The following AP3B1 variants were observed in gnomAD, a reference collection of about 807,000 sequenced individuals.
The protein encoded by AP3B1 is adaptor related protein complex 3 subunit beta 1, also known as AP-3 complex subunit beta-1.
In AP3B1, 61 loss-of-function variants were observed where a neutral mutation model predicts 132.5. The ratio of observed to expected loss-of-function variants is 0.46; its 90% confidence interval spans 0.37 to 0.57. The LOEUF is 0.57. AP3B1 is among the 20% of genes least tolerant of loss of function. The pLI is 0.00. For synonymous variants in AP3B1, 388 were observed against 438.3 expected (o/e 0.89, Z 1.43); for missense variants, 1,120 against 1,289.4 (o/e 0.87, Z 2.01).
At chr5:78,157,701 C>T (rs1743207362) in intron 13 of AP3B1, among the ~76,000 whole-genome samples, 2 of 152,134 alleles carry the variant, frequency 1.3e-5, no homozygotes, top group Admixed American at 1.3e-4. Context: ...CTGGCATACA[C>T]TACAAAGGTT....
chr5:78,285,385 C>A (rs890830450), intron 1 of AP3B1, among the ~76,000 whole-genome samples: 2 of 152,154 alleles, frequency 1.3e-5, no homozygotes, highest in African/African-American at 4.8e-5. Context: ...AAATCCAAAA[C>A]TCCCTTCTCA....
chr5:78,126,504 C>CAAAAAAAAAAAAAAAAAAAAA (rs70997969), intron 17 of AP3B1, among the ~76,000 whole-genome samples: 1 of 62,398 alleles, frequency 1.6e-5, no homozygotes, highest in African/African-American at 7.8e-5. Flanking sequence ...GACTCTGTCT[C>CAAAAAAAAAAAAAAAAAAAAA]AAAAAAAAAA....
chr5:78,138,789 C>G (rs1158136235), intron 15 of AP3B1, among the ~76,000 whole-genome samples: 3 of 151,626 alleles, frequency 2.0e-5, no homozygotes, highest in East Asian at 1.9e-4. Context: ...CTGGCCAACA[C>G]GGTGAAACCT....
chr5:78,007,854 C>A (rs183899495), intron 26 of AP3B1, among the ~76,000 whole-genome samples: 3 of 152,088 alleles, frequency 2.0e-5, no homozygotes, highest in Non-Finnish European at 2.9e-5. Context: ...AGCATTTACA[C>A]GTGATTTAGT....
At chr5:78,275,362 A>G (rs1434877858) in intron 1 of AP3B1, among the ~76,000 whole-genome samples, 1 of 152,254 alleles carries the variant, frequency 6.6e-6, no homozygotes, top group East Asian at 1.9e-4. Flanking sequence ...TCATTTCAAA[A>G]GGAAAATAAT....
rs138775812 is a variant in AP3B1 at position 78,274,971 on chromosome 5, G to A, written c.129-7376C>T. 2.1e-3 allele frequency among the ~76,000 whole-genome samples: 317 copies of A among 152,010 alleles called. 7 individuals carry two copies. Among genetic ancestry groups the A allele is most frequent in the Admixed American group, 0.016 (251 of 15,272 alleles). Reference sequence around the variant, plus strand: ...TACCTTGAGACAGGAGTCAACAAACGTAAAGGGCCAGAAAGTAAATATTTT... The same window carrying A: ...TACCTTGAGACAGGAGTCAACAAACATAAAGGGCCAGAAAGTAAATATTTT... On this transcript the variant is annotated intron_variant, in intron 1 of 26. Transcript: ENST00000255194.
chr5:78,154,271 T>C (rs185824016), intron 14 of AP3B1, among the ~76,000 whole-genome samples: 2 of 152,328 alleles, frequency 1.3e-5, no homozygotes, highest in African/African-American at 2.4e-5. Flanking sequence ...CTTTATGTCA[T>C]GCCACTCTCC....
intron 2 of AP3B1, among the ~76,000 whole-genome samples, chr5:78,263,201 T>G (rs1748170208): frequency 6.6e-6 from 1 of 152,224 alleles, no homozygotes; most frequent in Non-Finnish European, 1.5e-5. Context: ...CAGTAATGTT[T>G]CAGTGTACAA....
chr5:78,240,503 C>T (rs1747080058), intron 3 of AP3B1, among the ~76,000 whole-genome samples: 1 of 152,130 alleles, frequency 6.6e-6, no homozygotes, highest in African/African-American at 2.4e-5. Context: ...CCCAAATCAT[C>T]AAGGTCTGGA....
At chr5:78,142,123 AG>A (rs1379080864) in intron 14 of AP3B1, among the ~76,000 whole-genome samples, 1 of 152,220 alleles carries the variant, frequency 6.6e-6, no homozygotes, top group African/African-American at 2.4e-5. Context: ...CAAAAGAAAC[AG>A]GGATAAATTT....
At chr5:78,076,198 G>A (rs569740804) in intron 22 of AP3B1, among the ~76,000 whole-genome samples, 3 of 152,156 alleles carry the variant, frequency 2.0e-5, no homozygotes, top group African/African-American at 7.2e-5. Context: ...AGAGCACTTG[G>A]TATACTGTAA....
intron 1 of AP3B1, among the ~76,000 whole-genome samples, chr5:78,292,902 G>A (rs1353582050): frequency 2.0e-5 from 3 of 150,818 alleles, no homozygotes; most frequent in East Asian, 1.9e-4. Flanking sequence ...TTTTTGAGAC[G>A]GAGTCTCACT....
intron 7 of AP3B1, among the ~76,000 whole-genome samples, chr5:78,188,069 T>C (rs1334446141): frequency 1.3e-5 from 2 of 152,194 alleles, no homozygotes; most frequent in African/African-American, 4.8e-5. Context: ...TTACATCTTA[T>C]ACAAAAATTA....
At position 78,181,514 on chromosome 5, in the gene AP3B1, T is replaced by C; in HGVS notation, c.935A>G (p.Asn312Ser). The change falls in exon 8 of 27, where the codon AAT becomes AGT. Residue 312 changes from asparagine (N) to serine (S), a missense_variant. Physicochemically the swap from Asn to Ser is conservative, Grantham distance 46 (BLOSUM62 1). Around this residue, in one of 3 missense-constraint regions of AP3B1, gnomAD observed 906 missense variants for 997.1 expected, o/e 0.91. Coordinates refer to ENST00000255194, the MANE Select transcript of AP3B1 (RefSeq NM_003664.5). ...ATAAGGATTTTAACATACCGCAGCA[T>C]TCCTGCTCTGAAGCAAAGGCTTTGT... is the stretch of plus-strand genomic sequence containing the variant. ...RNTKPLLQSR[N>S]AAVVMAVAQL... is the part of the protein sequence containing the mutation. 3 of 1,612,790 alleles carry C rather than the reference T, an allele frequency of 1.9e-6. No individual in the cohort carries two copies. Among genetic ancestry groups the C allele is most frequent in the Non-Finnish European group, 8.5e-7 (1 of 1,179,500 alleles).
intron 26 of AP3B1, among the ~76,000 whole-genome samples, chr5:78,013,867 C>A (rs1746728610): frequency 6.6e-6 from 1 of 152,018 alleles, no homozygotes; most frequent in South Asian, 2.1e-4. Flanking sequence ...TTGTCAAAAA[C>A]TAAGAAATGA....
chr5:78,229,359 T>G (rs1218487186), intron 3 of AP3B1, among the ~76,000 whole-genome samples: 1 of 152,152 alleles, frequency 6.6e-6, no homozygotes, highest in Non-Finnish European at 1.5e-5. Context: ...CTAGCACTAT[T>G]TATAGCCTGT....
chr5:78,179,684 G>A (rs1241623572), intron 8 of AP3B1, among the ~76,000 whole-genome samples: 1 of 151,976 alleles, frequency 6.6e-6, no homozygotes, highest in East Asian at 1.9e-4. Flanking sequence ...CTAACATTCC[G>A]CTTTCAGTAT....
At chr5:78,269,289 A>G (rs1367802848) in intron 1 of AP3B1, among the ~76,000 whole-genome samples, 2 of 152,172 alleles carry the variant, frequency 1.3e-5, no homozygotes, top group African/African-American at 4.8e-5. Context: ...AGCTTTGAGT[A>G]TTAGGATACC....
At chr5:78,100,659 G>A (rs1054257416) in intron 21 of AP3B1, among the ~76,000 whole-genome samples, 3 of 152,122 alleles carry the variant, frequency 2.0e-5, no homozygotes, top group African/African-American at 7.2e-5. Context: ...GAAGTTATAA[G>A]GTATGGATGA....
Sources: allele counts gnomAD v4.1 joint callset (sites outside exome capture counted in the v4.1 genomes callset), GRCh38; gene constraint gnomAD v4.1.1; regional missense constraint gnomAD v4.1.1; transcripts MANE v1.5; gene names NCBI Gene and HGNC (gene_info 2026-07-23, HGNC 2026-07-21).